Variants in NPAS3 observed in about 807,000 individuals in gnomAD.
NPAS3 encodes neuronal PAS domain-containing protein 3.
In NPAS3, 14 loss-of-function variants were observed where a neutral mutation model predicts 73.1. That is an observed-to-expected ratio of 0.19 (90% CI 0.13 to 0.30). The LOEUF (loss-of-function observed/expected upper bound fraction) is 0.30. Among genes scored for constraint, NPAS3 ranks in the 10% least tolerant of loss-of-function variants. NPAS3 has a pLI of 1.00. For synonymous variants in NPAS3, 620 were observed against 541.5 expected, an observed-to-expected ratio of 1.14 and a Z score of -2.01; for missense variants, 1,096 against 1,250.0, an observed-to-expected ratio of 0.88 and a Z score of 1.86.
intron 1 of NPAS3, among the ~76,000 whole-genome samples, chr14:33,024,889 G>C (rs2039747535): frequency 1.3e-5 from 2 of 152,082 alleles, no homozygotes; most frequent in South Asian, 4.2e-4. Context: ...CAATATTGTA[G>C]ACCACAATAC....
intron 7 of NPAS3, among the ~76,000 whole-genome samples, chr14:33,743,025 C>T (rs2061692717): frequency 6.6e-6 from 1 of 152,168 alleles, no homozygotes; most frequent in Non-Finnish European, 1.5e-5. Flanking sequence ...TTCTTCCCTC[C>T]ACTGAAGTCT....
chr14:33,431,502 G>A (rs2139155598), intron 4 of NPAS3, among the ~76,000 whole-genome samples: 1 of 152,288 alleles, frequency 6.6e-6, no homozygotes, highest in East Asian at 1.9e-4. Flanking sequence ...TGTGATTCAT[G>A]TATCCTGATT....
At chr14:33,664,488 G>A (rs1396064794) in intron 5 of NPAS3, among the ~76,000 whole-genome samples, 2 of 152,126 alleles carry the variant, frequency 1.3e-5, no homozygotes, top group Non-Finnish European at 2.9e-5. Context: ...AACACCAAAA[G>A]CAATGGCAAC....
chr14:32,951,452 G>T (rs2036481612), intron 1 of NPAS3, among the ~76,000 whole-genome samples: 1 of 151,988 alleles, frequency 6.6e-6, no homozygotes. Flanking sequence ...AAACATCTTT[G>T]AAAGGAAACA....
chr14:33,503,281 A>G (rs1428635118), intron 4 of NPAS3, among the ~76,000 whole-genome samples: 1 of 151,952 alleles, frequency 6.6e-6, no homozygotes, highest in Non-Finnish European at 1.5e-5. Flanking sequence ...AATATTAGTC[A>G]TATATTCTAA....
chr14:33,293,508 A>G (rs543161567), intron 3 of NPAS3, among the ~76,000 whole-genome samples: 2 of 152,346 alleles, frequency 1.3e-5, no homozygotes, highest in East Asian at 1.9e-4. Flanking sequence ...TGATTTCAAA[A>G]GAGGGGAAAG....
chr14:33,240,015 G>C lies in NPAS3; in HGVS notation c.385+24589G>C, dbSNP rs190234672. On this transcript the variant is annotated intron_variant, in intron 3 of 11. Coordinates refer to ENST00000356141, the Ensembl canonical transcript of NPAS3. The stretch of plus-strand genomic sequence containing the variant: ...TCAAAAGATGGTTGATTGCTTAATG[G>C]TCAAAGCACTACTAAATAGCCTATT... Among the ~76,000 whole-genome samples the C allele has an allele frequency of 5.9e-5, 9 of 151,874 alleles. No homozygotes were observed. The East Asian group carries it at 1.7e-3, about 29-fold the overall frequency.
chr14:33,692,576 C>T (rs2060262297), intron 6 of NPAS3, among the ~76,000 whole-genome samples: 1 of 152,030 alleles, frequency 6.6e-6, no homozygotes, highest in Non-Finnish European at 1.5e-5. Flanking sequence ...ACTTAAAAGC[C>T]TTTTGTAGAG....
At chr14:33,780,596 T>C (rs1424936654) in intron 9 of NPAS3, 2 of 452,590 alleles carry the variant, frequency 4.4e-6, no homozygotes, top group Admixed American at 2.4e-5. Flanking sequence ...GAAAACATCA[T>C]GCATCATGCT....
chr14:33,762,586 C>G (rs1421899176), intron 7 of NPAS3, among the ~76,000 whole-genome samples: 1 of 151,976 alleles, frequency 6.6e-6, no homozygotes, highest in East Asian at 1.9e-4. Context: ...TTAAGACTTT[C>G]TACAAAATGG....
chr14:33,783,067 A>AT (rs1054268235), intron 9 of NPAS3, among the ~76,000 whole-genome samples: 1 of 151,820 alleles, frequency 6.6e-6, no homozygotes, highest in Non-Finnish European at 1.5e-5. Context: ...TTCCCAGCTC[A>AT]TTTTTTTCCA....
chr14:33,223,432 C>T (rs1350447106), intron 3 of NPAS3, among the ~76,000 whole-genome samples: 2 of 152,116 alleles, frequency 1.3e-5, no homozygotes, highest in African/African-American at 4.8e-5. Context: ...AAGTCCTTTG[C>T]CTTGGAGATA....
chr14:33,333,952 C>T (rs2044100262), intron 3 of NPAS3, among the ~76,000 whole-genome samples: 1 of 151,872 alleles, frequency 6.6e-6, no homozygotes, highest in Non-Finnish European at 1.5e-5. Flanking sequence ...AAAATTCTCC[C>T]CTGGAAAATT....
At chr14:33,013,136 TCAGTTTCTCCATACC>T (rs2039271246) in intron 1 of NPAS3, among the ~76,000 whole-genome samples, 1 of 152,188 alleles carries the variant, frequency 6.6e-6, no homozygotes, top group Admixed American at 6.5e-5. Flanking sequence ...TATTCTTCAC[TCAGTTTCTCCATACC>T]CAAAGAATAC....
At chr14:33,658,231 G>A (rs2059205926) in intron 5 of NPAS3, among the ~76,000 whole-genome samples, 1 of 152,236 alleles carries the variant, frequency 6.6e-6, no homozygotes, top group Admixed American at 6.5e-5. Flanking sequence ...AAAAACTGGA[G>A]AGACAGAAAA....
chr14:33,139,995 A>C (rs2043985913), intron 2 of NPAS3, among the ~76,000 whole-genome samples: 1 of 151,064 alleles, frequency 6.6e-6, no homozygotes. Flanking sequence ...TTCATTTTTT[A>C]CGCTACTTTG....
At chr14:33,158,515 G>T (rs2044730032) in intron 2 of NPAS3, among the ~76,000 whole-genome samples, 1 of 152,146 alleles carries the variant, frequency 6.6e-6, no homozygotes, top group Admixed American at 6.5e-5. Context: ...AAAAACCTAA[G>T]AACTAAAGGT....
intron 1 of NPAS3, among the ~76,000 whole-genome samples, chr14:32,967,678 C>A (rs1189059910): frequency 6.6e-6 from 1 of 150,592 alleles, no homozygotes; most frequent in Non-Finnish European, 1.5e-5. Flanking sequence ...ATCAAAAAGA[C>A]AAAAAATAAC....
At chr14:33,487,575 T>C (rs1213997342) in intron 4 of NPAS3, among the ~76,000 whole-genome samples, 1 of 152,182 alleles carries the variant, frequency 6.6e-6, no homozygotes, top group Admixed American at 6.5e-5. Flanking sequence ...ACAATATGAG[T>C]GTACTGAGAA....
Sources: allele counts gnomAD v4.1 joint callset (sites outside exome capture counted in the v4.1 genomes callset), GRCh38; gene constraint gnomAD v4.1.1; transcripts MANE v1.5; gene names NCBI Gene and HGNC (gene_info 2026-07-23, HGNC 2026-07-21).